Variants in SEMA6D observed in about 807,000 individuals in gnomAD.
SEMA6D encodes the protein semaphorin 6D.
A neutral mutation model predicts 106.6 loss-of-function variants in SEMA6D; 35 were observed. That is an observed-to-expected ratio of 0.33 (90% CI 0.25 to 0.44). The LOEUF (loss-of-function observed/expected upper bound fraction) is 0.44. SEMA6D is among the 20% of genes least tolerant of loss of function. The pLI, the probability that SEMA6D is intolerant of heterozygous loss-of-function variation, is 1.00. For synonymous variants in SEMA6D, 499 were observed against 487.7 expected, an observed-to-expected ratio of 1.02 and a Z score of -0.31; for missense variants, 1,185 against 1,345.9, an observed-to-expected ratio of 0.88 and a Z score of 1.87.
At chr15:47,726,561 G>C (rs542099086) in intron 1 of SEMA6D, among the ~76,000 whole-genome samples, 69 of 152,258 alleles carry the variant, frequency 4.5e-4, no homozygotes, top group African/African-American at 1.5e-3. Flanking sequence ...AACTTCGTGG[G>C]GGCTGTGAGT....
chr15:47,587,443 A>G (rs1190681077), intron 3 of SEMA6D, among the ~76,000 whole-genome samples: 2 of 152,206 alleles, frequency 1.3e-5, no homozygotes, highest in Non-Finnish European at 2.9e-5. Context: ...AAATCTATAC[A>G]TATCTTCTAC....
In SEMA6D at chr15:47,363,213, CAG is replaced by C. The variant is rs2042291161; in HGVS notation, c.-238-49177_-238-49176del. ...TAAAGAGGTAACCTATCCAGGGTCA[CAG>C]AGTTAGTCAGTGGTGGATTCTGAAA... On this transcript the variant is annotated intron_variant, in intron 1 of 19. Coordinates refer to the SEMA6D transcript ENST00000558014. 2.6e-5 allele frequency among the ~76,000 whole-genome samples: 4 copies of C among 152,134 alleles called. No homozygotes were observed. The South Asian group carries it at 8.3e-4, about 32-fold the overall frequency.
intron 1 of SEMA6D, among the ~76,000 whole-genome samples, chr15:47,279,906 A>G (rs2035028084): frequency 6.7e-6 from 1 of 150,196 alleles, no homozygotes; most frequent in Non-Finnish European, 1.5e-5. Context: ...AAGCTTTTTG[A>G]TGTGCTACTG....
intron 17 of SEMA6D, 108 bp from the exon 18 acceptor site, chr15:47,768,473 G>C: frequency 1.0e-6 from 1 of 983,708 alleles, no homozygotes; most frequent in Non-Finnish European, 1.4e-6. Context: ...AAATCCTAGA[G>C]CAAACTTTCT....
intron 3 of SEMA6D, among the ~76,000 whole-genome samples, chr15:47,557,233 G>A (rs1028792562): frequency 6.6e-6 from 1 of 152,004 alleles, no homozygotes; most frequent in Non-Finnish European, 1.5e-5. Context: ...TGTCTGTGGG[G>A]GTGCCTGTCA....
intron 3 of SEMA6D, among the ~76,000 whole-genome samples, chr15:47,551,000 A>G (rs2045669370): frequency 6.6e-6 from 1 of 152,202 alleles, no homozygotes; most frequent in African/African-American, 2.4e-5. Flanking sequence ...TTAGACTAGA[A>G]CTATCATATA....
At chr15:47,275,490 T>C (rs1410240046) in intron 1 of SEMA6D, among the ~76,000 whole-genome samples, 1 of 152,150 alleles carries the variant, frequency 6.6e-6, no homozygotes, top group Non-Finnish European at 1.5e-5. Context: ...ATTGTCACAA[T>C]GTTTTATTCT....
In SEMA6D at chr15:47,538,766, T is replaced by A. The variant is rs117973918; in HGVS notation, c.-86-62099T>A. Reference sequence around the variant, plus strand: ...TAACCTTTCCAGAATTTTCCAACTGTCAAAAAATCTACATAAAATTATAAT... The same window carrying A: ...TAACCTTTCCAGAATTTTCCAACTGACAAAAAATCTACATAAAATTATAAT... On this transcript the variant is annotated intron_variant, in intron 3 of 19. Coordinates refer to the SEMA6D transcript ENST00000558014. Among the ~76,000 whole-genome samples the A allele has an allele frequency of 9.8e-3, 1,487 of 152,302 alleles. 9 individuals are homozygous for A. Among genetic ancestry groups the A allele is most frequent in the Admixed American group, 0.021 (314 of 15,292 alleles).
chr15:47,651,426 T>G (rs1413049647), intron 4 of SEMA6D, among the ~76,000 whole-genome samples: 2 of 152,020 alleles, frequency 1.3e-5, no homozygotes, highest in Admixed American at 6.6e-5. Context: ...CTAGTAAACT[T>G]CTGTTAGTAC....
At chr15:47,273,218 C>T (rs1431816929) in intron 1 of SEMA6D, among the ~76,000 whole-genome samples, 1 of 150,292 alleles carries the variant, frequency 6.7e-6, no homozygotes, top group East Asian at 2.0e-4. Context: ...TGAGATATCC[C>T]TTCTGAAGTG....
intron 1 of SEMA6D, among the ~76,000 whole-genome samples, chr15:47,235,846 T>A (rs1298098054): frequency 6.6e-6 from 1 of 152,084 alleles, no homozygotes; most frequent in Non-Finnish European, 1.5e-5. Flanking sequence ...CACTAGGTAA[T>A]TTCCCAGTCA....
intron 4 of SEMA6D, among the ~76,000 whole-genome samples, chr15:47,644,485 G>C (rs1198299168): frequency 6.6e-6 from 1 of 152,156 alleles, no homozygotes; most frequent in Non-Finnish European, 1.5e-5. Context: ...TCAAAATGTA[G>C]GTGCTGCCAA....
intron 4 of SEMA6D, among the ~76,000 whole-genome samples, chr15:47,670,811 A>G (rs1401580700): frequency 1.3e-5 from 2 of 151,962 alleles, no homozygotes; most frequent in African/African-American, 4.8e-5. Flanking sequence ...CTTTTCTACT[A>G]CTCTGTCAAT....
At chr15:47,425,583 A>G (rs2041305033) in intron 2 of SEMA6D, among the ~76,000 whole-genome samples, 1 of 151,932 alleles carries the variant, frequency 6.6e-6, no homozygotes, top group Non-Finnish European at 1.5e-5. Context: ...CCCTTGGAAT[A>G]ATACTGCTGT....
intron 4 of SEMA6D, among the ~76,000 whole-genome samples, chr15:47,617,318 G>T (rs1406419609): frequency 6.6e-6 from 1 of 152,188 alleles, no homozygotes; most frequent in Non-Finnish European, 1.5e-5. Flanking sequence ...ACAGGCCAAT[G>T]AAAATTAGCG....
At chr15:47,612,765 T>C (rs2076933980) in intron 4 of SEMA6D, among the ~76,000 whole-genome samples, 1 of 136,598 alleles carries the variant, frequency 7.3e-6, no homozygotes, top group African/African-American at 2.6e-5. Context: ...TATTTTTTAT[T>C]TTTTATTTTT....
chr15:47,598,556 C>T (rs2076580828), intron 3 of SEMA6D, among the ~76,000 whole-genome samples: 2 of 152,132 alleles, frequency 1.3e-5, no homozygotes, highest in African/African-American at 4.8e-5. Flanking sequence ...TTTCAGACCA[C>T]TCCCCTGTAC....
At chr15:47,271,379 G>A (rs756646358) in intron 1 of SEMA6D, among the ~76,000 whole-genome samples, 3 of 152,194 alleles carry the variant, frequency 2.0e-5, no homozygotes, top group Non-Finnish European at 4.4e-5. Context: ...ATATGCAAGG[G>A]AAGGGTGGTC....
intron 2 of SEMA6D, among the ~76,000 whole-genome samples, chr15:47,450,598 T>C (rs1023249287): frequency 3.9e-5 from 6 of 152,030 alleles, no homozygotes; most frequent in Non-Finnish European, 8.8e-5. Context: ...ATGTCTGGAT[T>C]TTTCTAGTGT....
Sources: allele counts gnomAD v4.1 joint callset (sites outside exome capture counted in the v4.1 genomes callset), GRCh38; gene constraint gnomAD v4.1.1; transcripts MANE v1.5; gene names NCBI Gene and HGNC (gene_info 2026-07-23, HGNC 2026-07-21).